The following EIF4G3 variants were observed in gnomAD, a reference collection of about 807,000 sequenced individuals.
EIF4G3 encodes eukaryotic translation initiation factor 4 gamma 3.
Under a neutral mutation model 186.4 loss-of-function variants are expected in EIF4G3, and 34 were observed. The observed-to-expected ratio is 0.18, with a 90% CI of 0.14 to 0.24. EIF4G3 has a LOEUF of 0.24. Ranked by LOEUF, EIF4G3 falls within the 10% of genes least tolerant of loss-of-function variation. The pLI, the probability that EIF4G3 is intolerant of heterozygous loss-of-function variation, is 1.00. For synonymous variants in EIF4G3, 673 were observed against 679.5 expected, an observed-to-expected ratio of 0.99 and a Z score of 0.15; for missense variants, 1,536 against 1,948.5, an observed-to-expected ratio of 0.79 and a Z score of 3.99.
chr1:20,950,817 T>C (rs185515432), intron 12 of EIF4G3, among the ~76,000 whole-genome samples: 53 of 152,258 alleles, frequency 3.5e-4, no homozygotes, highest in African/African-American at 1.2e-3. Flanking sequence ...CCAAGCAGGA[T>C]AGGTTGAGAA....
At chr1:21,116,158 T>C (rs2096818590) in intron 2 of EIF4G3, among the ~76,000 whole-genome samples, 1 of 152,194 alleles carries the variant, frequency 6.6e-6, no homozygotes, top group Non-Finnish European at 1.5e-5. Flanking sequence ...GCTGAATTAA[T>C]GACAGAATAA....
At position 21,079,111 on chromosome 1, in the gene EIF4G3, A is replaced by G. The variant is rs577163099; in HGVS notation, c.-196+10027T>C. ...TAAATAAATCTTTAGTTTAAATGAT[A>G]TATTTGCCATCTGTGCTAGATGATA... On this transcript the variant is annotated intron_variant, in intron 3 of 36. Coordinates refer to ENST00000602326, the MANE Select transcript of EIF4G3 (RefSeq NM_001391906.1). Among the ~76,000 whole-genome samples, 14 of 152,332 alleles carry G rather than the reference A, an allele frequency of 9.2e-5. No homozygotes were observed. In the South Asian group the frequency reaches 2.7e-3, roughly 29 times the overall value.
intron 2 of EIF4G3, among the ~76,000 whole-genome samples, chr1:21,141,259 T>C (rs1238195116): frequency 6.6e-6 from 1 of 152,198 alleles, no homozygotes; most frequent in Non-Finnish European, 1.5e-5. Flanking sequence ...ACTGTTTCTC[T>C]TTCTGTGCCA....
At chr1:20,831,581 A>T (rs910265604) in intron 30 of EIF4G3, among the ~76,000 whole-genome samples, 6 of 123,700 alleles carry the variant, frequency 4.9e-5, no homozygotes, top group South Asian at 2.7e-4. Flanking sequence ...GGATCATTTT[A>T]TTGTTTTCCT....
intron 14 of EIF4G3, among the ~76,000 whole-genome samples, chr1:20,905,958 A>G (rs1286120270): frequency 6.6e-6 from 1 of 152,234 alleles, no homozygotes; most frequent in Non-Finnish European, 1.5e-5. Flanking sequence ...TTGGTATGAC[A>G]GTAGAACGTG....
chr1:20,904,760 T>TA, intron 15 of EIF4G3, 123 bp downstream of exon 15: 2 of 536,632 alleles, frequency 3.7e-6, no homozygotes, highest in Non-Finnish European at 6.3e-6. Flanking sequence ...TTAAAACAAT[T>TA]AGTCTCTGAG....
chr1:20,917,776 A>G (rs867440557), intron 14 of EIF4G3, among the ~76,000 whole-genome samples: 1 of 152,226 alleles, frequency 6.6e-6, no homozygotes, highest in South Asian at 2.1e-4. Context: ...CTATACCTCA[A>G]TAGAAATACT....
At chr1:20,933,200 G>A (rs1055540228) in intron 14 of EIF4G3, among the ~76,000 whole-genome samples, 2 of 152,134 alleles carry the variant, frequency 1.3e-5, no homozygotes, top group Non-Finnish European at 2.9e-5. Context: ...AGCTAGATCT[G>A]TATTTTTAAA....
At chr1:20,976,127 G>A (rs958621789) in intron 10 of EIF4G3, among the ~76,000 whole-genome samples, 1 of 150,450 alleles carries the variant, frequency 6.6e-6, no homozygotes, top group Admixed American at 6.6e-5. Context: ...CACACACACA[G>A]AGGTTTTTTT....
chr1:20,862,453 T>G, intron 22 of EIF4G3, 121 bp from the exon 23 acceptor site: 1 of 608,284 alleles, frequency 1.6e-6, no homozygotes, highest in East Asian at 3.2e-5. Context: ...TTTCACTCCG[T>G]TGCCCAGGCT....
intron 12 of EIF4G3, among the ~76,000 whole-genome samples, chr1:20,968,019 T>TC (rs2075077441): frequency 6.6e-6 from 1 of 152,196 alleles, no homozygotes; most frequent in African/African-American, 2.4e-5. Context: ...AATCAAGGGA[T>TC]CCTCCTGTTT....
At chr1:20,984,591 CACT>C (rs1558568668) in intron 7 of EIF4G3, among the ~76,000 whole-genome samples, 22 of 121,272 alleles carry the variant, frequency 1.8e-4, no homozygotes, top group South Asian at 1.1e-3. Flanking sequence ...CACATATATA[CACT>C]TTTTTTTTTT....
intron 14 of EIF4G3, among the ~76,000 whole-genome samples, chr1:20,927,047 T>C (rs1427289942): frequency 3.6e-5 from 5 of 139,238 alleles, no homozygotes; most frequent in South Asian, 2.2e-4. Context: ...AAAAAAATAC[T>C]TTTTTTTTTT....
intron 7 of EIF4G3, among the ~76,000 whole-genome samples, chr1:20,984,982 G>A (rs2079131174): frequency 6.6e-6 from 1 of 152,166 alleles, no homozygotes; most frequent in African/African-American, 2.4e-5. Flanking sequence ...GGAACAGGGA[G>A]ATTAAATAAC....
At chr1:21,023,904 C>T (rs2091463028) in intron 4 of EIF4G3, among the ~76,000 whole-genome samples, 2 of 136,876 alleles carry the variant, frequency 1.5e-5, no homozygotes, top group Admixed American at 1.4e-4. Flanking sequence ...GCGCCTCTGC[C>T]CCGCCGCCCC....
intron 7 of EIF4G3, among the ~76,000 whole-genome samples, chr1:20,985,398 C>T (rs1307339780): frequency 1.3e-5 from 2 of 151,912 alleles, no homozygotes; most frequent in African/African-American, 4.8e-5. Flanking sequence ...TGCATTAATA[C>T]TTTTTACAAC....
intron 3 of EIF4G3, among the ~76,000 whole-genome samples, chr1:21,080,136 G>A (rs1056897627): frequency 1.3e-4 from 20 of 149,298 alleles, no homozygotes; most frequent in African/African-American, 4.5e-4. Flanking sequence ...CGGTGACAGA[G>A]TAAGACTCCA....
chr1:21,159,819 T>C (rs569345302), intron 2 of EIF4G3, among the ~76,000 whole-genome samples: 3 of 146,440 alleles, frequency 2.0e-5, no homozygotes, highest in Non-Finnish European at 4.5e-5. Context: ...TGAAAAATTA[T>C]CCAGATGCCA....
At chr1:21,078,327 T>A (rs1453081279) in intron 3 of EIF4G3, among the ~76,000 whole-genome samples, 1 of 152,130 alleles carries the variant, frequency 6.6e-6, no homozygotes, top group African/African-American at 2.4e-5. Context: ...GAGGTCATGA[T>A]GTTACATGAA....
Sources: gnomAD v4.1 joint callset for allele counts (sites outside exome capture counted in the v4.1 genomes callset) on GRCh38, gnomAD v4.1.1 for gene constraint, MANE v1.5 for transcripts, NCBI Gene and HGNC (gene_info 2026-07-23, HGNC 2026-07-21) for gene names.